The following STEAP3 variants were observed in gnomAD, a reference collection of about 807,000 sequenced individuals.
STEAP3 encodes STEAP3 metalloreductase.
Under a neutral mutation model 34.9 loss-of-function variants are expected in STEAP3, and 35 were observed. That is an observed-to-expected ratio of 1.00 (90% CI 0.76 to 1.33). STEAP3 has a LOEUF of 1.33. STEAP3 is among the 40% of genes most tolerant of loss of function. The pLI is 0.00. For synonymous variants in STEAP3, 281 were observed against 301.6 expected (o/e 0.93, Z 0.71); for missense variants, 652 against 667.6 (o/e 0.98, Z 0.26).
Position 119,236,494 on chromosome 2 carries a change from G to C in STEAP3, c.22+5460G>C, listed in dbSNP as rs1037839732. Among the ~76,000 whole-genome samples the C allele has an allele frequency of 1.3e-5, 2 of 152,098 alleles. 1 individual carries two copies. The highest frequency in any genetic ancestry group is 4.8e-5 in the African/African-American group (2 of 41,400). ...TAAATCCAGAGTGTTCTAACGTTTT[G>C]CTGAGCCCGTGTCCTGTTGGCTGCA... On this transcript the variant is annotated intron_variant, in intron 2 of 5. Transcript: ENST00000393110.
chr2:119,251,147 C>T (rs1475996143), intron 4 of STEAP3, among the ~76,000 whole-genome samples: 1 of 152,190 alleles, frequency 6.6e-6, no homozygotes, highest in African/African-American at 2.4e-5. Context: ...CCTTCAGCCC[C>T]AAACAGCAGG....
At chr2:119,230,164 C>G (rs1679170722) in intron 1 of STEAP3, among the ~76,000 whole-genome samples, 1 of 152,204 alleles carries the variant, frequency 6.6e-6, no homozygotes, top group Admixed American at 6.5e-5. Context: ...ACACTTATCC[C>G]TAAGAATGGG....
chr2:119,241,151 T>C (rs1295312578), intron 2 of STEAP3, among the ~76,000 whole-genome samples: 2 of 152,020 alleles, frequency 1.3e-5, no homozygotes, highest in African/African-American at 2.4e-5. Flanking sequence ...CTTTTACACA[T>C]ATTAACTCAT....
chr2:119,237,777 G>C (rs540513462), intron 2 of STEAP3, among the ~76,000 whole-genome samples: 1 of 152,110 alleles, frequency 6.6e-6, no homozygotes, highest in Non-Finnish European at 1.5e-5. Context: ...ACATCACCAC[G>C]CAATTCACCC....
intron 4 of STEAP3, among the ~76,000 whole-genome samples, chr2:119,252,621 G>A (rs1677657161): frequency 6.6e-6 from 1 of 152,022 alleles, no homozygotes; most frequent in South Asian, 2.1e-4. Context: ...TCTAAACATA[G>A]AGACTTACTT....
intron 2 of STEAP3, among the ~76,000 whole-genome samples, chr2:119,231,609 C>T (rs1488549840): frequency 2.6e-5 from 4 of 152,074 alleles, no homozygotes; most frequent in African/African-American, 9.7e-5. Flanking sequence ...ACGGTAAACT[C>T]TTTTCCATCA....
rs755911783 is a variant in STEAP3 at position 119,254,750 on chromosome 2, C to T, written c.1117C>T (p.Leu373=). ...EVWRMEIYLS[L]GVLALGTLSL... ...CTGGCGGATGGAGATCTACCTCTCC[C>T]TGGGAGTGCTGGCCCTCGGCACGTT... is the stretch of plus-strand genomic sequence containing the variant. The change falls in exon 5 of 6, where the codon CTG becomes TTG. Residue 373 remains leucine, a synonymous_variant. Transcript: ENST00000393110. The T allele has an allele frequency of 1.2e-6, 2 of 1,614,174 alleles. No homozygotes were observed. The highest frequency in any genetic ancestry group is 2.2e-5 in the South Asian group (2 of 91,078).
intron 2 of STEAP3, among the ~76,000 whole-genome samples, chr2:119,242,071 C>T (rs1217781699): frequency 6.6e-6 from 1 of 152,190 alleles, no homozygotes; most frequent in Non-Finnish European, 1.5e-5. Flanking sequence ...CCCTTTCCCC[C>T]AACCCACACT....
Position 119,263,694 on chromosome 2 carries a change from C to G in STEAP3, c.*356C>G, listed in dbSNP as rs1165602532. 1 of 372,176 alleles carries G rather than the reference C, an allele frequency of 2.7e-6. No individual in the cohort carries two copies. Among genetic ancestry groups the G allele is most frequent in the Non-Finnish European group, 5.1e-6 (1 of 194,440 alleles). 23.1% of individuals were successfully genotyped at this position (372,176 alleles called of 1,614,324 possible). A position where few individuals can be genotyped will look rare whatever the true frequency, so the allele number is the denominator to read the frequency against. On this transcript the variant is annotated 3_prime_UTR_variant, in exon 6 of 6. Coordinates refer to ENST00000393110, the MANE Select transcript of STEAP3 (RefSeq NM_182915.3). ...CAGAGATATACACACACTTTTTGTA[C>G]AGAAGAGGCTTGTGCTGTGGTGGGT...
intron 1 of STEAP3, among the ~76,000 whole-genome samples, chr2:119,229,320 A>T (rs1240134631): frequency 6.6e-6 from 1 of 152,076 alleles, no homozygotes; most frequent in Non-Finnish European, 1.5e-5. Flanking sequence ...TTTTTGTATT[A>T]TTAGTTCACC....
Position 119,248,038 on chromosome 2 carries a change from C to A in STEAP3, c.882C>A (p.Arg294=), listed in dbSNP as rs150323456. The part of the protein sequence containing the change: ...GVLAAALQLR[R]GTKYQRFPDW... Reference sequence around the variant, plus strand: ...TGGCGGCTGCCCTGCAGCTGCGGCGCGGCACCAAGTACCAGCGCTTCCCCG... The same window carrying A: ...TGGCGGCTGCCCTGCAGCTGCGGCGAGGCACCAAGTACCAGCGCTTCCCCG... Residue 294 remains arginine, a synonymous_variant, in exon 4 of 6, where the codon CGC becomes CGA. Coordinates refer to ENST00000393110, the MANE Select transcript of STEAP3 (RefSeq NM_182915.3). 2.5e-6 allele frequency: 4 copies of A among 1,609,318 alleles called. No individual in the cohort carries two copies. The highest frequency in any genetic ancestry group is 3.4e-6 in the Non-Finnish European group (4 of 1,179,874).
chr2:119,240,982 C>T (rs947068966), intron 2 of STEAP3, among the ~76,000 whole-genome samples: 6 of 151,980 alleles, frequency 3.9e-5, no homozygotes, highest in African/African-American at 1.5e-4. Flanking sequence ...CAGGAGGGGG[C>T]AGAAGAATTG....
intron 3 of STEAP3, 138 bp downstream of exon 3, chr2:119,246,126 G>C: frequency 8.3e-7 from 1 of 1,203,484 alleles, no homozygotes; most frequent in Non-Finnish European, 1.1e-6. Flanking sequence ...TTACAGAACA[G>C]GAAATTGTGG....
At chr2:119,259,288 C>G (rs1677873968) in intron 5 of STEAP3, among the ~76,000 whole-genome samples, 1 of 152,240 alleles carries the variant, frequency 6.6e-6, no homozygotes. Context: ...AAAAATGGCT[C>G]TAGCTTGGGG....
chr2:119,248,386 TG>T (rs1218083308), intron 4 of STEAP3, 180 bp downstream of exon 4: 3 of 709,910 alleles, frequency 4.2e-6, no homozygotes, highest in Non-Finnish European at 6.8e-6. Flanking sequence ...TGAGTATCAG[TG>T]AACAAAGCAG....
At chr2:119,252,146 T>TAAGTTAGACTA (rs1429461648) in intron 4 of STEAP3, among the ~76,000 whole-genome samples, 2 of 152,238 alleles carry the variant, frequency 1.3e-5, no homozygotes, top group Non-Finnish European at 2.9e-5. Flanking sequence ...ACTGCCTTGC[T>TAAGTTAGACTA]GCCACTAAGA....
At chr2:119,225,055 A>T (rs1678996866) in intron 1 of STEAP3, among the ~76,000 whole-genome samples, 2 of 152,214 alleles carry the variant, frequency 1.3e-5, no homozygotes, top group African/African-American at 4.8e-5. Flanking sequence ...AGCCCCAAGA[A>T]TACAGTGCTG....
Position 119,248,500 on chromosome 2 carries a change from C to T in STEAP3, c.1050+294C>T, listed in dbSNP as rs564703296. On this transcript the variant is annotated intron_variant, in intron 4 of 5. Transcript: ENST00000393110. ...GTTGAGAGGATCAGGAGTGCTAAGG[C>T]GCAAAGGAAAGCAAGCGTGGGCGGT... The T allele has an allele frequency of 3.2e-4, 124 of 384,122 alleles. No individual in the cohort carries two copies. In the East Asian group the frequency reaches 5.3e-3, roughly 16 times the overall value. The allele number at this position is 384,122 out of a possible 1,614,324, so 23.8% of individuals were successfully genotyped here. A position where few individuals can be genotyped will look rare whatever the true frequency, so the allele number is the denominator to read the frequency against.
intron 4 of STEAP3, among the ~76,000 whole-genome samples, chr2:119,253,907 C>T (rs1214514625): frequency 6.6e-6 from 1 of 152,152 alleles, no homozygotes; most frequent in Non-Finnish European, 1.5e-5. Flanking sequence ...ACAGTAGGTG[C>T]TTCGTAAGTG....
Sources: allele counts gnomAD v4.1 joint callset (sites outside exome capture counted in the v4.1 genomes callset), GRCh38; gene constraint gnomAD v4.1.1; transcripts MANE v1.5; gene names NCBI Gene and HGNC (gene_info 2026-07-23, HGNC 2026-07-21).